The following TRIM37 variants were observed in gnomAD, a reference collection of about 807,000 sequenced individuals.
TRIM37 encodes tripartite motif containing 37, also known as E3 ubiquitin-protein ligase TRIM37.
A neutral mutation model predicts 129.8 loss-of-function variants in TRIM37; 80 were observed. The observed-to-expected ratio is 0.62, with a 90% CI of 0.51 to 0.74. The LOEUF (loss-of-function observed/expected upper bound fraction) is 0.74, where lower values mean the gene tolerates loss of function less well. TRIM37 is among the 30% of genes least tolerant of loss of function. The probability of loss-of-function intolerance (pLI) is 0.00; values close to 1 mark genes in which losing one functional copy is unlikely to be tolerated. For missense variants in TRIM37, 1,054 were observed against 1,176.5 expected, an observed-to-expected ratio of 0.90 and a Z score of 1.52; for synonymous variants, 389 against 387.1, an observed-to-expected ratio of 1.00 and a Z score of -0.06.
chr17:59,040,426 A>T (rs936628427), intron 17 of TRIM37, among the ~76,000 whole-genome samples: 5 of 152,102 alleles, frequency 3.3e-5, no homozygotes, highest in African/African-American at 1.2e-4. Context: ...CTAAAGGTAA[A>T]GTTTTAGGGA....
At chr17:59,023,267 G>A (rs1364716602) in intron 19 of TRIM37, among the ~76,000 whole-genome samples, 1 of 152,010 alleles carries the variant, frequency 6.6e-6, no homozygotes, top group Non-Finnish European at 1.5e-5. Flanking sequence ...TAGTAGACAT[G>A]GGGTTTCTCC....
intron 22 of TRIM37, among the ~76,000 whole-genome samples, chr17:59,003,820 A>G (rs2034104654): frequency 6.6e-6 from 1 of 151,348 alleles, no homozygotes; most frequent in Non-Finnish European, 1.5e-5. Flanking sequence ...GCCTGGTGGC[A>G]CATGCCTGTA....
intron 16 of TRIM37, among the ~76,000 whole-genome samples, chr17:59,046,015 CA>C (rs113392573): frequency 0.021 from 2,919 of 138,880 alleles, 84 homozygotes; most frequent in African/African-American, 0.072. Flanking sequence ...GACTCCATCT[CA>C]AAAAAAAAAA....
chr17:59,012,227 GCACCACCACCAC>G (rs1555639577), intron 22 of TRIM37, 89 bp downstream of exon 22: 9 of 611,888 alleles, frequency 1.5e-5, no homozygotes, highest in East Asian at 6.7e-5. Context: ...AGCAGCAGCA[GCACCACCACCAC>G]CACCACCACC....
In TRIM37 at chr17:59,032,022, T is replaced by C; in HGVS notation, c.1822A>G (p.Thr608Ala). The C allele has an allele frequency of 2.5e-6, 4 of 1,614,190 alleles. No individual in the cohort carries two copies. In the South Asian group the frequency reaches 3.3e-5, roughly 13 times the overall value. Residue 608 changes from threonine (T) to alanine (A), a missense_variant, in exon 18 of 24, where the codon ACC (threonine) becomes GCC (alanine). Thr to Ala is a moderately conservative substitution (Grantham distance 58). Transcript: ENST00000262294. ...SRRTHLCSAATSSLLDIDPLI... is the reference protein window; with the variant it reads ...SRRTHLCSAAASSLLDIDPLI... The stretch of plus-strand genomic sequence containing the variant: ...GGATCAATGTCTAGTAAACTACTGG[T>C]AGCAGCGGAGCATAAATGTGTTCTT...
chr17:59,042,447 A>ATATATAT (rs1366333212), intron 16 of TRIM37, among the ~76,000 whole-genome samples: 42 of 38,952 alleles, frequency 1.1e-3, no homozygotes, highest in African/African-American at 3.7e-3. Context: ...AAAAAAAAAA[A>ATATATAT]AAATATATAT....
At chr17:58,969,850 G>C in the TRIM37 span, 11 of 911,356 alleles carry the variant, frequency 1.2e-5, no homozygotes, top group Non-Finnish European at 1.5e-5. Context: ...CTGTATTCTT[G>C]ACTCACAGTA....
Position 59,017,333 on chromosome 17 carries a change from A to G in TRIM37, c.2349T>C (p.Asn783=), listed in dbSNP as rs752710375. The change falls in exon 20 of 24, where the codon AAT becomes AAC. Residue 783 remains asparagine (N), a synonymous_variant. Transcript: ENST00000262294. ...TCTGACAGTCTCCCTTTGAACGACT[A>G]TTTTCTCCAGGGTCCACTGCTCTTC... ...SLRRAVDPGE[N]SRSKGDCQTL... 6 of 1,614,098 alleles carry G rather than the reference A, an allele frequency of 3.7e-6. No homozygotes were observed. Among genetic ancestry groups the G allele is most frequent in the East Asian group, 2.2e-5 (1 of 44,866 alleles).
At chr17:59,016,860 G>A (rs927836549) in intron 20 of TRIM37, among the ~76,000 whole-genome samples, 4 of 151,978 alleles carry the variant, frequency 2.6e-5, no homozygotes, top group Non-Finnish European at 4.4e-5. Context: ...ATTTTGTTAA[G>A]GGTCTGTTCT....
chr17:59,047,332 T>G (rs1456352751), intron 16 of TRIM37, among the ~76,000 whole-genome samples: 2 of 152,218 alleles, frequency 1.3e-5, no homozygotes, highest in East Asian at 3.8e-4. Context: ...AAGAATATCC[T>G]TGTTTTTAGA....
At chr17:59,075,944 G>A (rs1444525258) in intron 7 of TRIM37, among the ~76,000 whole-genome samples, 1 of 152,142 alleles carries the variant, frequency 6.6e-6, no homozygotes, top group Non-Finnish European at 1.5e-5. Context: ...AGATACCACT[G>A]AGATCAAATT....
At chr17:59,102,848 C>G (rs1229421338) in intron 2 of TRIM37, among the ~76,000 whole-genome samples, 1 of 152,112 alleles carries the variant, frequency 6.6e-6, no homozygotes, top group African/African-American at 2.4e-5. Flanking sequence ...GCATATGTAT[C>G]TTCCTTAGGC....
chr17:59,073,466 G>C (rs1003981907), intron 8 of TRIM37, among the ~76,000 whole-genome samples: 3 of 151,956 alleles, frequency 2.0e-5, no homozygotes, highest in African/African-American at 7.3e-5. Context: ...GCTAAGTTTT[G>C]TATTTTTAGT....
At chr17:59,070,732 T>C in intron 9 of TRIM37, 91 bp downstream of exon 9, 2 of 1,363,684 alleles carry the variant, frequency 1.5e-6, no homozygotes, top group Non-Finnish European at 2.0e-6. Context: ...GAGAGAGAGA[T>C]GGCATTAAAA....
chr17:59,062,436 C>A (rs2041574002), intron 11 of TRIM37, 131 bp downstream of exon 11: 15 of 730,482 alleles, frequency 2.1e-5, no homozygotes, highest in Middle Eastern at 3.6e-4. Context: ...AGAAGGGGAA[C>A]AGGGAATGCG....
chr17:58,999,170 C>A lies in TRIM37; in HGVS notation c.*207G>T. The A allele has an allele frequency of 7.1e-7, 1 of 1,405,334 alleles. No individual in the cohort carries two copies. Among genetic ancestry groups the A allele is most frequent in the Non-Finnish European group, 9.2e-7 (1 of 1,082,472 alleles). The allele number at this position is 1,405,334 out of a possible 1,614,324, so 87.1% of individuals were successfully genotyped here. ...TGTTATTTCCTTACATTACAAAGAA[C>A]TCTTCCCATACTGTTTTTCCCATGT... On this transcript the variant is annotated 3_prime_UTR_variant, in exon 24 of 24. Coordinates refer to ENST00000262294, the MANE Select transcript of TRIM37 (RefSeq NM_015294.6).
At chr17:59,039,189 T>C (rs987414154) in intron 17 of TRIM37, among the ~76,000 whole-genome samples, 1 of 152,200 alleles carries the variant, frequency 6.6e-6, no homozygotes, top group African/African-American at 2.4e-5. Flanking sequence ...TGTTTCCCTT[T>C]TCATGATGTT....
At chr17:59,003,679 A>C (rs934487296) in intron 22 of TRIM37, among the ~76,000 whole-genome samples, 1 of 151,714 alleles carries the variant, frequency 6.6e-6, no homozygotes, top group Admixed American at 6.6e-5. Context: ...GAAAATGTTC[A>C]GGATACAACC....
intron 19 of TRIM37, among the ~76,000 whole-genome samples, chr17:59,020,737 T>C (rs1433678162): frequency 6.6e-6 from 1 of 152,196 alleles, no homozygotes; most frequent in African/African-American, 2.4e-5. Context: ...TCAACATCAC[T>C]GATCATCAGA....
Sources: allele counts gnomAD v4.1 joint callset (sites outside exome capture counted in the v4.1 genomes callset), GRCh38; gene constraint gnomAD v4.1.1; transcripts MANE v1.5; gene names NCBI Gene and HGNC (gene_info 2026-07-23, HGNC 2026-07-21).